The following WWOX variants were observed in gnomAD, a reference collection of about 807,000 sequenced individuals.
The protein encoded by WWOX is WW domain containing oxidoreductase.
In WWOX, 69 loss-of-function variants were observed where a neutral mutation model predicts 46.2. That is an observed-to-expected ratio of 1.49 (90% CI 1.23 to 1.82). The LOEUF (loss-of-function observed/expected upper bound fraction) is 1.82, where lower values mean the gene tolerates loss of function less well. Ranked by LOEUF, WWOX falls within the 40% of genes most tolerant of loss-of-function variation. WWOX has a pLI of 0.00. For synonymous variants in WWOX, 359 were observed against 202.6 expected, an observed-to-expected ratio of 1.77 and a Z score of -6.56; for missense variants, 919 against 542.6, an observed-to-expected ratio of 1.69 and a Z score of -6.89.
chr16:79,009,447 G>T, intron 8 of WWOX, among the ~76,000 whole-genome samples: 1 of 151,978 alleles, frequency 6.6e-6, no homozygotes, highest in East Asian at 1.9e-4. Flanking sequence ...GGGCTTCTGT[G>T]ACTTTAGAGG....
intron 8 of WWOX, among the ~76,000 whole-genome samples, chr16:79,080,867 T>C (rs2048747998): frequency 6.6e-6 from 1 of 152,178 alleles, no homozygotes; most frequent in Non-Finnish European, 1.5e-5. Flanking sequence ...AGGCATTTTG[T>C]ATATTTGGCA....
At chr16:79,158,691 T>C (rs2050428903) in intron 8 of WWOX, among the ~76,000 whole-genome samples, 1 of 152,248 alleles carries the variant, frequency 6.6e-6, no homozygotes, top group Admixed American at 6.5e-5. Flanking sequence ...CTGATTGCTT[T>C]TTGTAAGTCA....
chr16:79,030,578 G>C (rs1474466861), intron 8 of WWOX, among the ~76,000 whole-genome samples: 1 of 152,140 alleles, frequency 6.6e-6, no homozygotes, highest in East Asian at 1.9e-4. Flanking sequence ...GGGCTGTCTT[G>C]GTCCGTCTCA....
intron 4 of WWOX, among the ~76,000 whole-genome samples, chr16:78,139,124 A>T (rs774223160): frequency 1.3e-5 from 2 of 152,194 alleles, no homozygotes; most frequent in African/African-American, 2.4e-5. Context: ...CCTAGGAGCA[A>T]CCCTTAAAGG....
chr16:78,820,098 C>T (rs1292846410), intron 8 of WWOX, among the ~76,000 whole-genome samples: 1 of 152,114 alleles, frequency 6.6e-6, no homozygotes, highest in African/African-American at 2.4e-5. Context: ...TAACCGTGAG[C>T]ACCTGTCATG....
chr16:78,429,437 G>GAAGA (rs2151382653), intron 7 of WWOX, among the ~76,000 whole-genome samples: 1 of 152,278 alleles, frequency 6.6e-6, no homozygotes, highest in African/African-American at 2.4e-5. Flanking sequence ...TCCAGCTGTG[G>GAAGA]AAGAGTTCAT....
At chr16:78,845,133 CTTTT>C (rs68089672) in intron 8 of WWOX, among the ~76,000 whole-genome samples, 20 of 134,284 alleles carry the variant, frequency 1.5e-4, no homozygotes, top group African/African-American at 5.5e-4. Context: ...ATCTTGCTGT[CTTTT>C]TTTTTTTTTT....
intron 5 of WWOX, among the ~76,000 whole-genome samples, chr16:78,312,982 C>T (rs766420456): frequency 5.3e-5 from 8 of 152,194 alleles, no homozygotes; most frequent in Non-Finnish European, 1.2e-4. Flanking sequence ...AAGTAGATAC[C>T]TGTTGAGTGA....
intron 8 of WWOX, among the ~76,000 whole-genome samples, chr16:78,627,456 C>G (rs914852974): frequency 5.3e-5 from 8 of 152,202 alleles, no homozygotes; most frequent in African/African-American, 1.9e-4. Context: ...TCTCCAAGGC[C>G]TCTTCCAATC....
intron 6 of WWOX, among the ~76,000 whole-genome samples, chr16:78,422,800 T>C (rs1285542645): frequency 3.3e-5 from 4 of 122,502 alleles, no homozygotes; most frequent in East Asian, 2.4e-4. Context: ...CACACATATA[T>C]ATACACACAC....
Position 78,452,334 on chromosome 16 carries a change from G to C in WWOX, c.1056+19582G>C, listed in dbSNP as rs532205762. ...TTACTGTCATATGATTCACATGCTA[G>C]TTACTGATTGCTATCATGCAGTCTG... On this transcript the variant is annotated intron_variant, in intron 8 of 8. Transcript: ENST00000566780. Among the ~76,000 whole-genome samples the C allele has an allele frequency of 5.9e-5, 9 of 152,170 alleles. No individual in the cohort carries two copies. In the South Asian group the frequency reaches 1.9e-3, roughly 32 times the overall value.
At chr16:78,119,500 T>G (rs1326215811) in intron 4 of WWOX, among the ~76,000 whole-genome samples, 1 of 152,228 alleles carries the variant, frequency 6.6e-6, no homozygotes, top group African/African-American at 2.4e-5. Context: ...TGGGACCACC[T>G]ACTCTGTTCA....
At chr16:78,543,051 C>A (rs1325148658) in intron 8 of WWOX, among the ~76,000 whole-genome samples, 1 of 152,182 alleles carries the variant, frequency 6.6e-6, no homozygotes, top group Non-Finnish European at 1.5e-5. Context: ...GGGCATAGTA[C>A]ACATATTTGA....
chr16:79,071,416 C>G (rs1409867770), intron 8 of WWOX, among the ~76,000 whole-genome samples: 1 of 152,100 alleles, frequency 6.6e-6, no homozygotes, highest in Non-Finnish European at 1.5e-5. Flanking sequence ...GCGTTTCTTC[C>G]CCCCTCATCT....
At chr16:78,396,837 CAT>C (rs2082299036) in intron 6 of WWOX, among the ~76,000 whole-genome samples, 1 of 152,130 alleles carries the variant, frequency 6.6e-6, no homozygotes, top group Non-Finnish European at 1.5e-5. Context: ...TGGGACAACA[CAT>C]AAATAACTGG....
At chr16:78,688,797 C>G (rs2047920521) in intron 8 of WWOX, among the ~76,000 whole-genome samples, 1 of 152,068 alleles carries the variant, frequency 6.6e-6, no homozygotes, top group South Asian at 2.1e-4. Context: ...TCTCATAATC[C>G]CCACGTGTCA....
At chr16:78,369,485 C>A (rs1000228276) in intron 5 of WWOX, among the ~76,000 whole-genome samples, 5 of 152,114 alleles carry the variant, frequency 3.3e-5, no homozygotes, top group African/African-American at 1.2e-4. Context: ...CTGGTAGGGT[C>A]GAGTCTCCTC....
chr16:78,388,224 T>G (rs1390987413), intron 6 of WWOX, among the ~76,000 whole-genome samples: 1 of 151,908 alleles, frequency 6.6e-6, no homozygotes, highest in Non-Finnish European at 1.5e-5. Context: ...AGACATAGGG[T>G]TTCACCATAT....
At chr16:79,161,465 A>C (rs1024753684) in intron 8 of WWOX, among the ~76,000 whole-genome samples, 1 of 152,176 alleles carries the variant, frequency 6.6e-6, no homozygotes. Flanking sequence ...GGAGAGAAGG[A>C]GAGAAGAGAG....
Sources: gnomAD v4.1 joint callset for allele counts (sites outside exome capture counted in the v4.1 genomes callset) on GRCh38, gnomAD v4.1.1 for gene constraint, MANE v1.5 for transcripts, NCBI Gene and HGNC (gene_info 2026-07-23, HGNC 2026-07-21) for gene names.